CDH8: variants seen among roughly 807,000 people sequenced by gnomAD.
CDH8 encodes the protein cadherin-8.
CDH8 carries 17 observed loss-of-function variants against 68.1 expected under a neutral mutation model. That is an observed-to-expected ratio of 0.25 (90% CI 0.17 to 0.37). The LOEUF is 0.37. CDH8 is among the 10% of genes least tolerant of loss of function. CDH8 has a pLI of 1.00. For missense variants in CDH8, 763 were observed against 999.3 expected (o/e 0.76, Z 3.19); for synonymous variants, 372 against 365.1 (o/e 1.02, Z -0.21).
chr16:61,917,264 T>C (rs1381752834), intron 2 of CDH8, among the ~76,000 whole-genome samples: 1 of 152,092 alleles, frequency 6.6e-6, no homozygotes, highest in African/African-American at 2.4e-5. Flanking sequence ...TGCAGGACAA[T>C]TTTCTGGATG....
intron 3 of CDH8, among the ~76,000 whole-genome samples, chr16:61,883,222 A>G: frequency 6.6e-6 from 1 of 152,132 alleles, no homozygotes; most frequent in Non-Finnish European, 1.5e-5. Context: ...AAACAAGAGA[A>G]ACATACCAGC....
chr16:61,744,629 C>T (rs1308698097), intron 8 of CDH8, among the ~76,000 whole-genome samples: 1 of 151,038 alleles, frequency 6.6e-6, no homozygotes, highest in Non-Finnish European at 1.5e-5. Context: ...TCTTAGTTTT[C>T]CCCTTTTCTA....
chr16:61,874,968 C>T (rs1963435075), intron 3 of CDH8, among the ~76,000 whole-genome samples: 1 of 152,060 alleles, frequency 6.6e-6, no homozygotes, highest in African/African-American at 2.4e-5. Flanking sequence ...CAAGATTAGG[C>T]AAATAGGCAT....
At chr16:61,988,845 A>T (rs1830653945) in intron 2 of CDH8, among the ~76,000 whole-genome samples, 1 of 152,190 alleles carries the variant, frequency 6.6e-6, no homozygotes, top group Non-Finnish European at 1.5e-5. Context: ...TTATCCAGGA[A>T]ATCCCAATCT....
intron 7 of CDH8, among the ~76,000 whole-genome samples, chr16:61,809,272 T>A (rs911724760): frequency 3.3e-5 from 5 of 151,950 alleles, no homozygotes; most frequent in African/African-American, 1.2e-4. Context: ...CCTAGTGTAA[T>A]GGAGTCAAAG....
At chr16:62,033,339 C>T (rs1422613391) in intron 1 of CDH8, among the ~76,000 whole-genome samples, 1 of 152,194 alleles carries the variant, frequency 6.6e-6, no homozygotes. Flanking sequence ...TCCTTCCCTT[C>T]AGAGTTGACA....
chr16:61,799,189 T>G (rs1373085966), intron 7 of CDH8, among the ~76,000 whole-genome samples: 1 of 152,128 alleles, frequency 6.6e-6, no homozygotes, highest in Non-Finnish European at 1.5e-5. Flanking sequence ...ATCTTTCCCC[T>G]CCCTGAAATG....
intron 2 of CDH8, among the ~76,000 whole-genome samples, chr16:61,997,616 A>G (rs1470801026): frequency 6.6e-6 from 1 of 152,236 alleles, no homozygotes; most frequent in Admixed American, 6.5e-5. Flanking sequence ...TAATAACAAA[A>G]GGGAAAATAG....
intron 8 of CDH8, among the ~76,000 whole-genome samples, chr16:61,780,549 C>A (rs1443991054): frequency 2.6e-5 from 4 of 152,212 alleles, no homozygotes; most frequent in African/African-American, 9.6e-5. Context: ...TTCTGAGAGT[C>A]ATTTTAAATT....
At chr16:62,032,222 T>C (rs78319130) in intron 1 of CDH8, among the ~76,000 whole-genome samples, 1,539 of 152,216 alleles carry the variant, frequency 0.01, 28 homozygotes, top group African/African-American at 0.035. Flanking sequence ...GCAAATCAAA[T>C]AATCTAAGGC....
At chr16:61,892,076 C>A (rs1034273565) in intron 3 of CDH8, among the ~76,000 whole-genome samples, 1 of 152,072 alleles carries the variant, frequency 6.6e-6, no homozygotes, top group African/African-American at 2.4e-5. Flanking sequence ...AAATGAGCCT[C>A]TTTAATTATT....
intron 2 of CDH8, among the ~76,000 whole-genome samples, chr16:61,973,687 T>C (rs1373003833): frequency 6.6e-6 from 1 of 152,128 alleles, no homozygotes; most frequent in Non-Finnish European, 1.5e-5. Context: ...GAAAACAAAG[T>C]CATGAAAATA....
chr16:61,693,144 T>C (rs997203171), intron 10 of CDH8: 1 of 152,154 alleles, frequency 6.6e-6, no homozygotes, highest in African/African-American at 2.4e-5. Context: ...TTTATCATCA[T>C]AATTTAATGG....
intron 2 of CDH8, among the ~76,000 whole-genome samples, chr16:61,948,972 A>G (rs1031833999): frequency 7.9e-5 from 12 of 152,232 alleles, no homozygotes; most frequent in African/African-American, 2.9e-4. Context: ...TTTTGTAAAC[A>G]GTACCTACCG....
chr16:61,714,221 A>T, intron 9 of CDH8: 1 of 396,500 alleles, frequency 2.5e-6, no homozygotes, highest in Non-Finnish European at 4.5e-6. Flanking sequence ...AGCAAAGTTA[A>T]GTGTATTTGA....
chr16:61,666,710 T>C (rs1180801690), intron 10 of CDH8, among the ~76,000 whole-genome samples: 2 of 151,912 alleles, frequency 1.3e-5, no homozygotes, highest in Admixed American at 1.3e-4. Context: ...TCAAATGAAA[T>C]AAAAATGATA....
chr16:61,791,849 T>C (rs1461063582), intron 7 of CDH8, among the ~76,000 whole-genome samples: 3 of 152,072 alleles, frequency 2.0e-5, no homozygotes, highest in Non-Finnish European at 4.4e-5. Flanking sequence ...TATATCTCTA[T>C]TACTTATGTA....
At position 61,654,105 on chromosome 16, in the gene CDH8, G is replaced by A. The variant is rs779510415; in HGVS notation, c.1907-4C>T. The A allele has an allele frequency of 1.2e-6, 2 of 1,605,900 alleles. No homozygotes were observed. The highest frequency in any genetic ancestry group is 3.4e-5 in the Admixed American group (2 of 58,868). ...GTTACAAACAGCACCACGATGACTA[G>A]AGGAAAAATATTAAATAACAGTCAG... On this transcript the variant is annotated splice_polypyrimidine_tract_variant and splice_region_variant and intron_variant, in intron 11 of 11. Coordinates refer to ENST00000577390, the MANE Select transcript of CDH8 (RefSeq NM_001796.5).
rs759914798 is a variant in CDH8, at chr16:61,653,788, T to C, written c.2220A>G (p.Pro740=). The part of the protein sequence containing the change: ...HEADNDPTAP[P]YDSIQIYGYE... ...AGCCATATATCTGAATGGAGTCATA[T>C]GGCGGGGCCGTGGGATCATTATCTG... The change falls in exon 12 of 12, where the codon CCA becomes CCG. Residue 740 remains proline, a synonymous_variant. Transcript: ENST00000577390. 6.2e-7 allele frequency: 1 copy of C among 1,614,104 alleles called. No homozygotes were observed. Among genetic ancestry groups the C allele is most frequent in the South Asian group, 1.1e-5 (1 of 91,090 alleles).
Sources: gnomAD v4.1 joint callset for allele counts (sites outside exome capture counted in the v4.1 genomes callset) on GRCh38, gnomAD v4.1.1 for gene constraint, MANE v1.5 for transcripts, NCBI Gene and HGNC (gene_info 2026-07-23, HGNC 2026-07-21) for gene names.